The following GRIK2 variants were observed in gnomAD, a reference collection of about 807,000 sequenced individuals.
The protein encoded by GRIK2 is glutamate receptor ionotropic, kainate 2.
In GRIK2, 32 loss-of-function variants were observed where a neutral mutation model predicts 100.3. The observed-to-expected ratio is 0.32, with a 90% confidence interval of 0.24 to 0.43. The LOEUF is 0.43. Ranked by LOEUF, GRIK2 falls within the 20% of genes least tolerant of loss-of-function variation. The pLI is 1.00. For missense variants in GRIK2, 843 were observed against 1,114.9 expected (o/e 0.76, Z 3.47); for synonymous variants, 417 against 389.4 (o/e 1.07, Z -0.83).
chr6:101,588,517 T>C (rs917020298), intron 2 of GRIK2, among the ~76,000 whole-genome samples: 8 of 152,090 alleles, frequency 5.3e-5, no homozygotes, highest in African/African-American at 1.9e-4. Context: ...TGGTGGCACA[T>C]ACCTCTAGTC....
At chr6:101,485,189 G>C (rs952516811) in intron 2 of GRIK2, among the ~76,000 whole-genome samples, 1 of 152,034 alleles carries the variant, frequency 6.6e-6, no homozygotes, top group Non-Finnish European at 1.5e-5. Context: ...ATAATATATT[G>C]TGCAGGGAAT....
intron 14 of GRIK2, among the ~76,000 whole-genome samples, chr6:102,032,769 G>GTCTT (rs1770066684): frequency 6.6e-6 from 1 of 151,158 alleles, no homozygotes; most frequent in East Asian, 1.9e-4. Context: ...GTTTGCTTTA[G>GTCTT]TCTTTATATT....
intron 14 of GRIK2, among the ~76,000 whole-genome samples, chr6:102,014,416 A>G (rs1020298027): frequency 6.6e-6 from 1 of 151,680 alleles, no homozygotes; most frequent in Non-Finnish European, 1.5e-5. Context: ...GATCTTTTGA[A>G]TAGGTTTTCA....
Position 101,773,353 on chromosome 6 carries a change from G to A in GRIK2, c.952-26295G>A, listed in dbSNP as rs533576014. On this transcript the variant is annotated intron_variant, in intron 7 of 16. Coordinates refer to ENST00000369134, the MANE Select transcript of GRIK2 (RefSeq NM_021956.5). ...AAATTAGCCAGGCAAGGTGGCACGCGCCTATAGTCTCAGCTACTCGGGAGG... is the reference window on the plus strand; with the variant it reads ...AAATTAGCCAGGCAAGGTGGCACGCACCTATAGTCTCAGCTACTCGGGAGG... Among the ~76,000 whole-genome samples, 8 of 151,794 alleles carry A rather than the reference G, an allele frequency of 5.3e-5. No individual in the cohort carries two copies. In the South Asian group the frequency reaches 1.0e-3, roughly 20 times the overall value.
intron 14 of GRIK2, among the ~76,000 whole-genome samples, chr6:101,983,624 TA>T (rs1468475118): frequency 6.6e-6 from 1 of 151,798 alleles, no homozygotes; most frequent in African/African-American, 2.4e-5. Context: ...GATAAAAATA[TA>T]TTTTAATGGC....
intron 14 of GRIK2, among the ~76,000 whole-genome samples, chr6:102,031,867 G>T (rs1770018961): frequency 6.6e-6 from 1 of 151,118 alleles, no homozygotes; most frequent in Non-Finnish European, 1.5e-5. Flanking sequence ...GAGTAACTTG[G>T]CTCTGTGAAA....
intron 4 of GRIK2, among the ~76,000 whole-genome samples, chr6:101,672,238 A>G (rs537912124): frequency 3.3e-5 from 5 of 152,228 alleles, no homozygotes; most frequent in Admixed American, 2.0e-4. Context: ...TAAATTCAAT[A>G]ATCATTTTTT....
intron 11 of GRIK2, among the ~76,000 whole-genome samples, chr6:101,873,890 T>G (rs927167571): frequency 1.3e-5 from 2 of 152,210 alleles, no homozygotes; most frequent in African/African-American, 4.8e-5. Flanking sequence ...TGCATAAATG[T>G]CTTCTTTGGA....
intron 11 of GRIK2, among the ~76,000 whole-genome samples, chr6:101,879,250 T>C (rs1016689937): frequency 6.6e-6 from 1 of 152,080 alleles, no homozygotes; most frequent in East Asian, 1.9e-4. Context: ...TGGAATGTAG[T>C]TAAATAGCCC....
intron 10 of GRIK2, among the ~76,000 whole-genome samples, chr6:101,822,207 T>TACACAC (rs58680927): frequency 0.01 from 1,469 of 143,234 alleles, 23 homozygotes; most frequent in East Asian, 0.045. Flanking sequence ...TGGAGAGTTT[T>TACACAC]ACACACACAC....
intron 2 of GRIK2, among the ~76,000 whole-genome samples, chr6:101,610,721 G>A (rs180985600): frequency 1.3e-4 from 20 of 151,846 alleles, no homozygotes; most frequent in African/African-American, 4.8e-4. Context: ...GGAGGTCTGG[G>A]GAGTGAAGAG....
intron 10 of GRIK2, among the ~76,000 whole-genome samples, chr6:101,833,657 A>G (rs928638372): frequency 2.0e-5 from 3 of 152,092 alleles, no homozygotes; most frequent in Admixed American, 2.0e-4. Flanking sequence ...AGAGATTGTC[A>G]TTAACTTTCA....
intron 8 of GRIK2, among the ~76,000 whole-genome samples, chr6:101,801,693 C>A (rs143281515): frequency 6.6e-6 from 1 of 151,838 alleles, no homozygotes; most frequent in African/African-American, 2.4e-5. Context: ...AATGGGAAAA[C>A]TTTTTACGTT....
intron 2 of GRIK2, among the ~76,000 whole-genome samples, chr6:101,443,605 T>C (rs1770202348): frequency 6.6e-6 from 1 of 152,078 alleles, no homozygotes; most frequent in Non-Finnish European, 1.5e-5. Context: ...AATATTTAAA[T>C]GAATCATTTA....
intron 11 of GRIK2, among the ~76,000 whole-genome samples, chr6:101,884,811 C>T (rs1196800351): frequency 1.3e-5 from 2 of 152,074 alleles, no homozygotes; most frequent in Non-Finnish European, 2.9e-5. Flanking sequence ...CAAACATTTA[C>T]TAAGCAGTTC....
intron 9 of GRIK2, among the ~76,000 whole-genome samples, chr6:101,807,166 C>A (rs1296550388): frequency 1.3e-5 from 2 of 151,860 alleles, no homozygotes; most frequent in Non-Finnish European, 1.5e-5. Flanking sequence ...TTGCTCTATA[C>A]CTCCAACATG....
chr6:101,992,983 C>A (rs1387692210), intron 14 of GRIK2, among the ~76,000 whole-genome samples: 1 of 151,402 alleles, frequency 6.6e-6, no homozygotes, highest in East Asian at 1.9e-4. Flanking sequence ...GTAAAGATGT[C>A]TTTATAAGAT....
At chr6:101,595,123 T>G (rs1778850031) in intron 2 of GRIK2, among the ~76,000 whole-genome samples, 1 of 151,516 alleles carries the variant, frequency 6.6e-6, no homozygotes, top group Admixed American at 6.6e-5. Context: ...AATAGCCACT[T>G]TTGACAATGT....
intron 7 of GRIK2, among the ~76,000 whole-genome samples, chr6:101,787,898 A>C (rs1281546142): frequency 6.6e-6 from 1 of 152,116 alleles, no homozygotes; most frequent in Non-Finnish European, 1.5e-5. Context: ...GTGGATATTA[A>C]AGTCCTTAAC....
Sources: gnomAD v4.1 joint callset for allele counts (sites outside exome capture counted in the v4.1 genomes callset) on GRCh38, gnomAD v4.1.1 for gene constraint, MANE v1.5 for transcripts, NCBI Gene and HGNC (gene_info 2026-07-23, HGNC 2026-07-21) for gene names.